SMAD4: variants seen among roughly 807,000 people sequenced by gnomAD.
The protein encoded by SMAD4 is MAD homolog 4.
In SMAD4, 7 loss-of-function variants were observed where a neutral mutation model predicts 63.2. That is an observed-to-expected ratio of 0.11 (90% CI 0.06 to 0.21). The LOEUF is 0.21. Among genes scored for constraint, SMAD4 ranks in the 10% least tolerant of loss-of-function variants. The probability of loss-of-function intolerance (pLI) is 1.00; values close to 1 mark genes in which losing one functional copy is unlikely to be tolerated. For synonymous variants in SMAD4, 215 were observed against 235.4 expected (o/e 0.91, Z 0.79); for missense variants, 312 against 693.8 (o/e 0.45, Z 6.18).
At position 51,080,567 on chromosome 18, in the gene SMAD4, A is replaced by G. The variant is rs1386534093; in HGVS notation, c.*2100A>G. 2.6e-5 allele frequency: 5 copies of G among 191,370 alleles called. No individual in the cohort carries two copies. Among genetic ancestry groups the G allele is most frequent in the Non-Finnish European group, 4.4e-5 (4 of 91,522 alleles). 11.9% of individuals were successfully genotyped at this position (191,370 alleles called of 1,614,324 possible). A position where few individuals can be genotyped will look rare whatever the true frequency, so the allele number is the denominator to read the frequency against. ...ATTGCTTCTTTTTTTTGAGATATGG[A>G]GTCTTGCTGTGTTGCCCAGGCAGGA... On this transcript the variant is annotated 3_prime_UTR_variant, in exon 12 of 12. Coordinates refer to ENST00000342988, the MANE Select transcript of SMAD4 (RefSeq NM_005359.6).
chr18:51,048,915 G>A, intron 3 of SMAD4, 55 bp downstream of exon 3: 3 of 1,471,916 alleles, frequency 2.0e-6, no homozygotes, highest in South Asian at 1.1e-5. Context: ...GATCTCAATA[G>A]TGTTTCAATT....
intron 10 of SMAD4, among the ~76,000 whole-genome samples, chr18:51,076,076 T>C (rs1910464308): frequency 6.6e-6 from 1 of 152,252 alleles, no homozygotes; most frequent in Admixed American, 6.5e-5. Context: ...TTGTTTGATC[T>C]AGTCTTTTTG....
At chr18:51,049,461 A>AT (rs1909642801) in intron 4 of SMAD4, 137 bp downstream of exon 4, 1 of 720,588 alleles carries the variant, frequency 1.4e-6, no homozygotes, top group African/African-American at 1.8e-5. Flanking sequence ...GGAAATGTAG[A>AT]TTTTGAGGTT....
intron 1 of SMAD4, among the ~76,000 whole-genome samples, chr18:51,032,000 A>C (rs1299684289): frequency 6.6e-6 from 1 of 152,216 alleles, no homozygotes; most frequent in African/African-American, 2.4e-5. Flanking sequence ...CGGTTTTTAA[A>C]ATTAGTGTTT....
In SMAD4 at chr18:51,059,863, T is replaced by C. The variant is rs746836038; in HGVS notation, c.905-3T>C. ...AATGGAATTTTTGTTGTCTTTTCTT[T>C]AGGGCCTGTTCACAATGAGCTTGCA... On this transcript the variant is annotated splice_polypyrimidine_tract_variant and splice_region_variant and intron_variant, in intron 7 of 11. Coordinates refer to ENST00000342988, the MANE Select transcript of SMAD4 (RefSeq NM_005359.6). 9 of 1,609,496 alleles carry C rather than the reference T, an allele frequency of 5.6e-6. No individual in the cohort carries two copies. Among genetic ancestry groups the C allele is most frequent in the South Asian group, 1.1e-5 (1 of 91,028 alleles).
intron 10 of SMAD4, among the ~76,000 whole-genome samples, chr18:51,074,880 T>C (rs1265301145): frequency 6.6e-6 from 1 of 152,140 alleles, no homozygotes; most frequent in Non-Finnish European, 1.5e-5. Flanking sequence ...TTTGTCATGC[T>C]TTCTTTTAAA....
At chr18:51,048,890 A>G (rs1016008247) in intron 3 of SMAD4, 30 bp downstream of exon 3, 2 of 1,583,716 alleles carry the variant, frequency 1.3e-6, no homozygotes, top group African/African-American at 1.3e-5. Flanking sequence ...ATCCTAAGAA[A>G]CATAAAGGGA....
intron 1 of SMAD4, among the ~76,000 whole-genome samples, chr18:51,037,059 C>T (rs1909228391): frequency 6.6e-6 from 1 of 152,214 alleles, no homozygotes. Flanking sequence ...ACTCACATGC[C>T]TGTAATCCCA....
chr18:51,052,922 G>C (rs1328344570), intron 4 of SMAD4: 2 of 152,538 alleles, frequency 1.3e-5, no homozygotes, highest in East Asian at 3.9e-4. Flanking sequence ...TGATTCTCTT[G>C]GCAAAAATAT....
chr18:51,037,963 G>C (rs1909254141), intron 1 of SMAD4, among the ~76,000 whole-genome samples: 1 of 152,236 alleles, frequency 6.6e-6, no homozygotes, highest in African/African-American at 2.4e-5. Context: ...TTTCTGATGA[G>C]ATGGGTGGTG....
In SMAD4 at chr18:51,037,974, A is replaced by G. The variant is rs1036619162; in HGVS notation, c.-128+7351A>G. Among the ~76,000 whole-genome samples, 5 of 152,126 alleles carry G rather than the reference A, an allele frequency of 3.3e-5. No individual in the cohort carries two copies. In the South Asian group the frequency reaches 6.2e-4, roughly 19 times the overall value. On this transcript the variant is annotated intron_variant, in intron 1 of 11. Coordinates refer to ENST00000342988, the MANE Select transcript of SMAD4 (RefSeq NM_005359.6). The stretch of plus-strand genomic sequence containing the variant: ...GACTTTTCTGATGAGATGGGTGGTG[A>G]TATTAAGGAATGTGATTAAAAAAAA...
chr18:51,082,568 CT>C lies in SMAD4; in HGVS notation c.*4108del. On this transcript the variant is annotated 3_prime_UTR_variant, in exon 12 of 12. Coordinates refer to ENST00000342988, the MANE Select transcript of SMAD4 (RefSeq NM_005359.6). Reference sequence around the variant, plus strand: ...GAAGTAAAACGTTTTAATTTTTAGCCTTTTTTTGGTGGAGTTATTTAATATG... The same window carrying C: ...GAAGTAAAACGTTTTAATTTTTAGCCTTTTTTGGTGGAGTTATTTAATATG... The C allele has an allele frequency of 2.6e-5, 6 of 227,766 alleles. No individual in the cohort carries two copies. The highest frequency in any genetic ancestry group is 1.9e-4 in the East Asian group (3 of 15,960). The allele number at this position is 227,766 out of a possible 1,614,324, so 14.1% of individuals were successfully genotyped here. A position where few individuals can be genotyped will look rare whatever the true frequency, so the allele number is the denominator to read the frequency against.
chr18:51,059,180 A>T lies in SMAD4; in HGVS notation c.905-686A>T, dbSNP rs191901905. Among the ~76,000 whole-genome samples, 432 of 152,270 alleles carry T rather than the reference A, an allele frequency of 2.8e-3. 4 individuals are homozygous for T. The highest frequency in any genetic ancestry group is 0.01 in the African/African-American group (421 of 41,572). ...GGGGCTCCTACTCTATGTGTATTGT[A>T]TATATCTTGCTTCTTTTCAGTTATG... is the stretch of plus-strand genomic sequence containing the variant. On this transcript the variant is annotated intron_variant, in intron 7 of 11. Transcript: ENST00000342988.
At chr18:51,074,639 G>T (rs1445088838) in intron 10 of SMAD4, among the ~76,000 whole-genome samples, 1 of 152,178 alleles carries the variant, frequency 6.6e-6, no homozygotes, top group East Asian at 1.9e-4. Flanking sequence ...ATTGTGCTGT[G>T]AACCTAAAAC....
rs140846022 is a variant in SMAD4, at chr18:51,057,014, A to G, written c.668-1111A>G. On this transcript the variant is annotated intron_variant, in intron 5 of 11. Transcript: ENST00000342988. ...AACTTGCAGAATCTGGGGGATGAGT[A>G]GGAAGGGAGGTTGCTAAAATGTCAT... Among the ~76,000 whole-genome samples, 268 of 152,330 alleles carry G rather than the reference A, an allele frequency of 1.8e-3. 1 individual carries two copies. Among genetic ancestry groups the G allele is most frequent in the African/African-American group, 6.3e-3 (261 of 41,594 alleles).
intron 10 of SMAD4, 26 bp from the exon 11 acceptor site, chr18:51,076,612 T>C (rs2144473352): frequency 6.2e-7 from 1 of 1,607,418 alleles, no homozygotes; most frequent in Non-Finnish European, 8.5e-7. Context: ...TATGAACTCA[T>C]AGTATGAAAT....
intron 1 of SMAD4, among the ~76,000 whole-genome samples, chr18:51,042,290 T>TC (rs1434955005): frequency 1.5e-5 from 1 of 68,632 alleles, no homozygotes; most frequent in African/African-American, 4.0e-5. Context: ...CCTGCCTGCC[T>TC]CCCTCCCTCC....
At chr18:51,063,398 A>G (rs1210816236) in intron 8 of SMAD4, among the ~76,000 whole-genome samples, 1 of 151,686 alleles carries the variant, frequency 6.6e-6, no homozygotes, top group African/African-American at 2.4e-5. Flanking sequence ...TACATTTTCT[A>G]TAGACAATAT....
intron 1 of SMAD4, among the ~76,000 whole-genome samples, chr18:51,038,801 C>A (rs1411299891): frequency 6.6e-6 from 1 of 152,052 alleles, no homozygotes; most frequent in Non-Finnish European, 1.5e-5. Flanking sequence ...AAAGCAAATA[C>A]CAAAAATTTT....
Sources: gnomAD v4.1 joint callset for allele counts (sites outside exome capture counted in the v4.1 genomes callset) on GRCh38, gnomAD v4.1.1 for gene constraint, MANE v1.5 for transcripts, NCBI Gene and HGNC (gene_info 2026-07-23, HGNC 2026-07-21) for gene names.